The following C1R variants were observed in gnomAD, a reference collection of about 807,000 sequenced individuals.
C1R encodes complement C1r subcomponent.
A neutral mutation model predicts 27.6 loss-of-function variants in C1R; 15 were observed. The ratio of observed to expected loss-of-function variants is 0.54; its 90% CI spans 0.36 to 0.84. C1R has a LOEUF of 0.84. Ranked by LOEUF, C1R falls within the 40% of genes least tolerant of loss-of-function variation. The probability of loss-of-function intolerance (pLI) is 0.01; values close to 1 mark genes in which losing one functional copy is unlikely to be tolerated. For synonymous variants in C1R, 253 were observed against 228.8 expected, an observed-to-expected ratio of 1.11 and a Z score of -0.95; for missense variants, 544 against 577.9, an observed-to-expected ratio of 0.94 and a Z score of 0.60.
intron 3 of C1R, 86 bp from the exon 4 acceptor site, chr12:7,089,819 A>T (rs1222010489): frequency 2.7e-6 from 2 of 731,382 alleles, no homozygotes. Context: ...CTCACCAGAG[A>T]CCTAAAGACA....
intron 10 of C1R, 150 bp downstream of exon 10, chr12:7,081,882 G>T: frequency 1.7e-6 from 1 of 598,474 alleles, no homozygotes; most frequent in East Asian, 2.9e-5. Flanking sequence ...CAGCATTTCG[G>T]GACTGAATTC....
In C1R at chr12:7,089,694, T is replaced by C. The variant is rs774434691; in HGVS notation, c.464A>G (p.Glu155Gly). 3 of 780,836 alleles carry C rather than the reference T, an allele frequency of 3.8e-6. No individual in the cohort carries two copies. The highest frequency in any genetic ancestry group is 1.7e-5 in the Admixed American group (1 of 59,032). 48.4% of individuals were successfully genotyped at this position (780,836 alleles called of 1,614,324 possible). ...GTGCTGGCACTGGGGCTGGGGATCC[T>C]CCTCCCCTGATTTGCTCCGGGAAGC... ...ECASRSKSGE[E>G]DPQPQCQHLC... Residue 155 changes from glutamate to glycine, a missense_variant, in exon 4 of 11, where the codon GAG becomes GGG. By Grantham distance (98) the Glu-to-Gly change is moderately conservative. Around this residue, in one of 2 missense-constraint regions of C1R, gnomAD observed 291 missense variants for 209.0 expected, o/e 1.39. Transcript: ENST00000647956.
Position 7,090,357 on chromosome 12 carries a change from A to G in C1R, c.232-109T>C, listed in dbSNP as rs4505141. ...CGCCCAGAGTGCATCATGCACCACA[A>G]TGGCTCTGGCTGGTCACTACCTGCT... is the stretch of plus-strand genomic sequence containing the variant. On this transcript the variant is annotated intron_variant, in intron 2 of 10. Coordinates refer to ENST00000647956, the MANE Select transcript of C1R (RefSeq NM_001733.7). 0.24 allele frequency: 151,080 copies of G among 625,160 alleles called. 20,851 individuals carry two copies. Among genetic ancestry groups the G allele is most frequent in the East Asian group, 0.46 (16,757 of 36,608 alleles). 38.7% of individuals were successfully genotyped at this position (625,160 alleles called of 1,614,324 possible). A position where few individuals can be genotyped will look rare whatever the true frequency, so the allele number is the denominator to read the frequency against.
chr12:7,082,343 T>C (rs994650821), intron 9 of C1R, among the ~76,000 whole-genome samples: 1 of 152,164 alleles, frequency 6.6e-6, no homozygotes, highest in Non-Finnish European at 1.5e-5. Context: ...TAACTATTTT[T>C]TTTTTTGGGA....
intron 10 of C1R, among the ~76,000 whole-genome samples, chr12:7,081,693 A>T (rs900661723): frequency 1.3e-5 from 2 of 151,956 alleles, no homozygotes; most frequent in African/African-American, 4.8e-5. Flanking sequence ...GGGTTTCGCC[A>T]TGTTGGCCAG....
At chr12:7,089,072 G>A (rs1057384120) in intron 5 of C1R, 86 bp from the exon 6 acceptor site, 3 of 645,162 alleles carry the variant, frequency 4.6e-6, no homozygotes, top group Non-Finnish European at 8.4e-6. Flanking sequence ...CCAGGGTGGT[G>A]GTGGTGGTGA....
intron 7 of C1R, 114 bp from the exon 8 acceptor site, chr12:7,086,571 T>G: frequency 5.7e-6 from 2 of 352,750 alleles, no homozygotes; most frequent in Admixed American, 9.5e-5. Flanking sequence ...GGCTCCCCCA[T>G]GGATGTGGCT....
At chr12:7,086,654 T>C (rs2135741462) in intron 7 of C1R, 197 bp from the exon 8 acceptor site, 3 of 382,188 alleles carry the variant, frequency 7.8e-6, no homozygotes, top group South Asian at 1.5e-4. Context: ...GACAGGAGCA[T>C]TGAGCCACAC....
chr12:7,090,068 A>G lies in C1R; in HGVS notation c.412T>C (p.Tyr138His), dbSNP rs1352656576. 1.3e-6 allele frequency: 1 copy of G among 774,814 alleles called. No individual in the cohort carries two copies. The allele number at this position is 774,814 out of a possible 1,614,324, so 48.0% of individuals were successfully genotyped here. A position where few individuals can be genotyped will look rare whatever the true frequency, so the allele number is the denominator to read the frequency against. ...GGGGGCTACTCACCCACAGCTTGGT[A>G]GTAGGCCAGGAAGCCCTTGTAGAAC... ...IMFYKGFLAY[Y>H]QAVDLDECAS... The change falls in exon 3 of 11, where the codon TAC becomes CAC. Residue 138 changes from tyrosine to histidine, a missense_variant. Physicochemically the swap from Tyr to His is moderately conservative, Grantham distance 83 (BLOSUM62 2). Around this residue, in one of 2 missense-constraint regions of C1R, gnomAD observed 291 missense variants for 209.0 expected, o/e 1.39. Transcript: ENST00000647956.
intron 2 of C1R, 50 bp from the exon 3 acceptor site, chr12:7,090,298 G>A (rs768027853): frequency 1.1e-4 from 75 of 690,480 alleles, no homozygotes; most frequent in East Asian, 1.0e-3. Flanking sequence ...GCGGAGTGGC[G>A]CACGTGGTGG....
chr12:7,089,516 A>G (rs751484583), intron 4 of C1R, 27 bp from the exon 5 acceptor site: 24 of 779,556 alleles, frequency 3.1e-5, no homozygotes, highest in Non-Finnish European at 5.5e-5. Context: ...ACAGGGCATT[A>G]CGGGGGACTC....
chr12:7,081,683 G>A (rs944982274), intron 10 of C1R, among the ~76,000 whole-genome samples: 1 of 152,038 alleles, frequency 6.6e-6, no homozygotes, highest in African/African-American at 2.4e-5. Flanking sequence ...AGCAGAGGCT[G>A]GGTTTCGCCA....
At chr12:7,083,305 G>C (rs1429555099) in intron 9 of C1R, among the ~76,000 whole-genome samples, 1 of 55,910 alleles carries the variant, frequency 1.8e-5, no homozygotes, top group Non-Finnish European at 3.9e-5. Flanking sequence ...TGATGATGGT[G>C]TTGGTAATGG....
At position 7,081,252 on chromosome 12, in the gene C1R, T is replaced by G. The variant is rs767614022; in HGVS notation, c.1398A>C (p.Gly466=). The G allele has an allele frequency of 1.2e-6, 2 of 1,612,604 alleles. No individual in the cohort carries two copies. Among genetic ancestry groups the G allele is most frequent in the African/African-American group, 1.3e-5 (1 of 74,894 alleles). The change falls in exon 11 of 11, where the codon GGA becomes GGC. Residue 466 remains glycine (G), a synonymous_variant. Coordinates refer to ENST00000647956, the MANE Select transcript of C1R (RefSeq NM_001733.7). ...NPVEQRQRII[G]GQKAKMGNFP... Reference sequence around the variant, plus strand: ...AGTTGCCCATCTTGGCTTTTTGCCCTCCGATGATGCGCTGCCTCTGTTCCA... The same window carrying G: ...AGTTGCCCATCTTGGCTTTTTGCCCGCCGATGATGCGCTGCCTCTGTTCCA...
chr12:7,088,260 C>T (rs751165679), intron 7 of C1R, among the ~76,000 whole-genome samples: 1 of 152,186 alleles, frequency 6.6e-6, no homozygotes, highest in African/African-American at 2.4e-5. Context: ...TCTTGATGTT[C>T]AGGCTCTACT....
chr12:7,082,235 A>G (rs1938077470), intron 9 of C1R, 129 bp from the exon 10 acceptor site: 2 of 678,138 alleles, frequency 2.9e-6, no homozygotes, highest in Non-Finnish European at 2.7e-6. Context: ...GCAAGGGCCA[A>G]AGGTCAAAGG....
intron 5 of C1R, 39 bp from the exon 6 acceptor site, chr12:7,089,025 G>A (rs775098058): frequency 3.2e-5 from 22 of 694,064 alleles, no homozygotes; most frequent in South Asian, 2.2e-4. Context: ...CAGCTTGGAC[G>A]TTTTTACACA....
intron 7 of C1R, chr12:7,086,915 G>C (rs2135741625): frequency 6.5e-6 from 1 of 153,200 alleles, no homozygotes; most frequent in African/African-American, 2.4e-5. Flanking sequence ...CCTAAGGACA[G>C]AGGCCTTCCC....
At chr12:7,092,139 C>A in intron 1 of C1R, 1 of 606,648 alleles carries the variant, frequency 1.6e-6, no homozygotes, top group Non-Finnish European at 3.0e-6. Context: ...GTCCCCTCCT[C>A]TCGCTGCTCC....
Sources: allele counts gnomAD v4.1 joint callset (sites outside exome capture counted in the v4.1 genomes callset), GRCh38; gene constraint gnomAD v4.1.1; regional missense constraint gnomAD v4.1.1; transcripts MANE v1.5; gene names NCBI Gene and HGNC (gene_info 2026-07-23, HGNC 2026-07-21).